Variants in ASB3 observed in about 807,000 individuals in gnomAD.
ASB3 encodes the protein ankyrin repeat and SOCS box protein 3.
A neutral mutation model predicts 54.5 loss-of-function variants in ASB3; 41 were observed. That is an observed-to-expected ratio of 0.75 (90% CI 0.59 to 0.98). The LOEUF is 0.98. Among genes scored for constraint, ASB3 ranks in the 50% least tolerant of loss-of-function variants. The probability of loss-of-function intolerance (pLI) is 0.00; values close to 1 mark genes in which losing one functional copy is unlikely to be tolerated. For synonymous variants in ASB3, 266 were observed against 221.2 expected (o/e 1.20, Z -1.80); for missense variants, 733 against 620.0 (o/e 1.18, Z -1.94).
chr2:53,674,340 A>G (rs3770415), intron 9 of ASB3, among the ~76,000 whole-genome samples: 12,323 of 152,246 alleles, frequency 0.081, 543 homozygotes, highest in East Asian at 0.18. Flanking sequence ...CCATAGATCT[A>G]TTAGCAGATG....
At chr2:53,696,948 A>G (rs1452775270) in intron 8 of ASB3, among the ~76,000 whole-genome samples, 1 of 152,178 alleles carries the variant, frequency 6.6e-6, no homozygotes, top group African/African-American at 2.4e-5. Context: ...GCTAGGTAAA[A>G]TAAGGCTGAG....
chr2:53,753,184 A>G (rs921783438), intron 2 of ASB3, among the ~76,000 whole-genome samples: 2 of 152,232 alleles, frequency 1.3e-5, no homozygotes, highest in African/African-American at 4.8e-5. Context: ...ACTGGTCTAC[A>G]TAACTTTGAT....
intron 2 of ASB3, among the ~76,000 whole-genome samples, chr2:53,763,972 CATT>C (rs1480201112): frequency 6.6e-6 from 1 of 152,022 alleles, no homozygotes; most frequent in East Asian, 1.9e-4. Context: ...AAATTTCCTG[CATT>C]ATGATTTAGG....
intron 6 of ASB3, among the ~76,000 whole-genome samples, chr2:53,716,001 T>C (rs1251951588): frequency 6.6e-6 from 1 of 152,224 alleles, no homozygotes; most frequent in East Asian, 1.9e-4. Context: ...TTTCTAAAAA[T>C]CATTGACTGC....
chr2:53,785,853 C>G (rs1453072386), intron 1 of ASB3, among the ~76,000 whole-genome samples: 2 of 152,146 alleles, frequency 1.3e-5, no homozygotes, highest in Non-Finnish European at 2.9e-5. Context: ...AAACAAACAA[C>G]AACAACAAAA....
At chr2:53,694,043 T>C in intron 8 of ASB3, 29 bp from the exon 9 acceptor site, 1 of 1,607,802 alleles carries the variant, frequency 6.2e-7, no homozygotes, top group South Asian at 1.1e-5. Context: ...AATATAATAT[T>C]AGAAACAAAA....
chr2:53,706,914 C>A (rs1403318249), intron 7 of ASB3, among the ~76,000 whole-genome samples: 1 of 152,212 alleles, frequency 6.6e-6, no homozygotes. Context: ...GTTGAGCTAA[C>A]AAAACAACCT....
intron 9 of ASB3, among the ~76,000 whole-genome samples, chr2:53,671,746 G>A (rs920536113): frequency 1.4e-5 from 2 of 146,428 alleles, no homozygotes; most frequent in Non-Finnish European, 3.0e-5. Context: ...GCAACAAGAG[G>A]GAAACTCCTT....
At chr2:53,754,820 G>A (rs575984999) in intron 2 of ASB3, among the ~76,000 whole-genome samples, 46 of 152,314 alleles carry the variant, frequency 3.0e-4, no homozygotes, top group African/African-American at 1.1e-3. Flanking sequence ...ATTTGGTAAA[G>A]TCTCCAAAGT....
intron 3 of ASB3, 37 bp downstream of exon 3, chr2:53,750,746 T>C (rs756222866): frequency 9.7e-6 from 14 of 1,438,002 alleles, no homozygotes; most frequent in Admixed American, 2.5e-5. Context: ...ATAATAATGA[T>C]GAAAAATTGC....
intron 3 of ASB3, among the ~76,000 whole-genome samples, chr2:53,750,085 T>G (rs544254499): frequency 6.6e-6 from 1 of 152,022 alleles, no homozygotes; most frequent in South Asian, 2.1e-4. Context: ...AATAAATAAA[T>G]ATACAAATTA....
chr2:53,722,193 T>G lies in ASB3; in HGVS notation c.605-5450A>C, dbSNP rs543998315. ...ATCCATAATAAAAAAAAAAAAAACC[T>G]ACCAACCAAAAGTCCTGGACCACAT... On this transcript the variant is annotated intron_variant, in intron 5 of 9. Coordinates refer to ENST00000263634, the MANE Select transcript of ASB3 (RefSeq NM_016115.5). 8.0e-5 allele frequency among the ~76,000 whole-genome samples: 12 copies of G among 149,320 alleles called. No homozygotes were observed. The East Asian group carries it at 2.2e-3, about 27-fold the overall frequency.
chr2:53,762,487 C>T (rs1269021516), intron 2 of ASB3, among the ~76,000 whole-genome samples: 1 of 152,214 alleles, frequency 6.6e-6, no homozygotes, highest in Non-Finnish European at 1.5e-5. Context: ...GCATCTGTTA[C>T]TGTGCCCAGT....
rs1671149751 is a variant in ASB3 at position 53,728,903 on chromosome 2, C to G, written c.469-56G>C. The stretch of plus-strand genomic sequence containing the variant: ...AAAAAACAAAGAAAATAGAAGGTAT[C>G]TTTCTTCTTACTGTGTTTTTTTTTT... On this transcript the variant is annotated intron_variant, in intron 4 of 9. Transcript: ENST00000263634. 3 of 1,505,188 alleles carry G rather than the reference C, an allele frequency of 2.0e-6. No homozygotes were observed. In the East Asian group the frequency reaches 6.9e-5, roughly 34 times the overall value. 93.2% of individuals were successfully genotyped at this position (1,505,188 alleles called of 1,614,324 possible).
chr2:53,730,372 T>C (rs1438208570), intron 3 of ASB3, among the ~76,000 whole-genome samples: 3 of 152,186 alleles, frequency 2.0e-5, no homozygotes, highest in Non-Finnish European at 4.4e-5. Flanking sequence ...AAACTTAAAA[T>C]GGAGAAATAG....
intron 2 of ASB3, among the ~76,000 whole-genome samples, chr2:53,760,144 G>C (rs967757613): frequency 2.6e-5 from 4 of 152,172 alleles, no homozygotes; most frequent in South Asian, 2.1e-4. Flanking sequence ...GTTAGGGAGA[G>C]ACATCCTAGG....
In ASB3 at chr2:53,729,409, G is replaced by C. The variant is rs763555580; in HGVS notation, c.468+49C>G. ...TGCATAGGACTGTCATTTTAAGAGG[G>C]TAAAACACACAATTTACATGGAAAT... On this transcript the variant is annotated intron_variant, in intron 4 of 9. Coordinates refer to ENST00000263634, the MANE Select transcript of ASB3 (RefSeq NM_016115.5). 6.3e-6 allele frequency: 10 copies of C among 1,594,718 alleles called. No individual in the cohort carries two copies. The South Asian group carries it at 1.1e-4, about 18-fold the overall frequency.
At chr2:53,770,661 T>G (rs560106464) in intron 1 of ASB3, among the ~76,000 whole-genome samples, 9 of 152,150 alleles carry the variant, frequency 5.9e-5, no homozygotes, top group Non-Finnish European at 1.2e-4. Context: ...ATAAAACTTG[T>G]TTTGGCTTCA....
At chr2:53,680,998 C>G (rs1558512806) in intron 9 of ASB3, among the ~76,000 whole-genome samples, 1 of 152,108 alleles carries the variant, frequency 6.6e-6, no homozygotes, top group Non-Finnish European at 1.5e-5. Flanking sequence ...CTTTCTGTGC[C>G]TAGCTTATTT....
Sources: gnomAD v4.1 joint callset for allele counts (sites outside exome capture counted in the v4.1 genomes callset) on GRCh38, gnomAD v4.1.1 for gene constraint, MANE v1.5 for transcripts, NCBI Gene and HGNC (gene_info 2026-07-23, HGNC 2026-07-21) for gene names.